The following PTPRM variants were observed in gnomAD, a reference collection of about 807,000 sequenced individuals.
PTPRM encodes protein tyrosine phosphatase receptor type M.
Under a neutral mutation model 186.7 loss-of-function variants are expected in PTPRM, and 47 were observed. The ratio of observed to expected loss-of-function variants is 0.25; its 90% CI spans 0.20 to 0.32. The LOEUF (loss-of-function observed/expected upper bound fraction) is 0.32, where lower values mean the gene tolerates loss of function less well. PTPRM is among the 10% of genes least tolerant of loss of function. The probability of loss-of-function intolerance (pLI) is 1.00; values close to 1 mark genes in which losing one functional copy is unlikely to be tolerated. For synonymous variants in PTPRM, 668 were observed against 674.9 expected (o/e 0.99, Z 0.16); for missense variants, 1,494 against 1,865.0 (o/e 0.80, Z 3.66).
chr18:7,646,634 C>G (rs968582128), intron 1 of PTPRM, among the ~76,000 whole-genome samples: 1 of 152,130 alleles, frequency 6.6e-6, no homozygotes, highest in Non-Finnish European at 1.5e-5. Flanking sequence ...ACCCATTTCT[C>G]TGCTCCAGAG....
chr18:8,347,315 C>T (rs1229069749), intron 23 of PTPRM, among the ~76,000 whole-genome samples: 1 of 152,094 alleles, frequency 6.6e-6, no homozygotes, highest in Non-Finnish European at 1.5e-5. Context: ...ATTGGAATTC[C>T]AAAGGACACC....
At chr18:8,028,504 A>G (rs2085723499) in intron 7 of PTPRM, among the ~76,000 whole-genome samples, 1 of 152,240 alleles carries the variant, frequency 6.6e-6, no homozygotes, top group African/African-American at 2.4e-5. Flanking sequence ...TAGCACCTTC[A>G]GCATGTTTTT....
intron 14 of PTPRM, among the ~76,000 whole-genome samples, chr18:8,191,182 C>T (rs139625685): frequency 6.6e-6 from 1 of 152,318 alleles, no homozygotes; most frequent in Non-Finnish European, 1.5e-5. Flanking sequence ...CTTGCCCAGC[C>T]AGCCAAGGAT....
chr18:8,281,143 G>A (rs995287179), intron 19 of PTPRM, among the ~76,000 whole-genome samples: 8 of 152,232 alleles, frequency 5.3e-5, no homozygotes, highest in Admixed American at 6.5e-5. Flanking sequence ...CAACTGGAAC[G>A]CAGCGGGCGT....
chr18:7,737,023 C>T (rs1274961932), intron 1 of PTPRM, among the ~76,000 whole-genome samples: 1 of 152,194 alleles, frequency 6.6e-6, no homozygotes, highest in Non-Finnish European at 1.5e-5. Context: ...AGGCTGGTCT[C>T]GAACTCCTGA....
intron 14 of PTPRM, among the ~76,000 whole-genome samples, chr18:8,193,769 G>C (rs1407691547): frequency 6.6e-6 from 1 of 152,256 alleles, no homozygotes; most frequent in East Asian, 1.9e-4. Flanking sequence ...TAAAGAGAAA[G>C]AGCTGCCCCT....
At chr18:8,105,808 C>A (rs911651023) in intron 11 of PTPRM, among the ~76,000 whole-genome samples, 1 of 152,148 alleles carries the variant, frequency 6.6e-6, no homozygotes, top group Non-Finnish European at 1.5e-5. Context: ...CCCAGAAAAA[C>A]CAACAAAATA....
chr18:7,991,699 C>T (rs572857766), intron 7 of PTPRM, among the ~76,000 whole-genome samples: 8 of 152,192 alleles, frequency 5.3e-5, no homozygotes, highest in African/African-American at 1.9e-4. Flanking sequence ...TCTTAGCTGC[C>T]TGACCCAGGA....
intron 7 of PTPRM, among the ~76,000 whole-genome samples, chr18:8,020,649 T>TA (rs2085157509): frequency 6.6e-6 from 1 of 152,152 alleles, no homozygotes; most frequent in Non-Finnish European, 1.5e-5. Flanking sequence ...GGTCTCTCAG[T>TA]ACTGGCTTGG....
At chr18:7,763,077 G>A (rs1598571175) in intron 1 of PTPRM, among the ~76,000 whole-genome samples, 1 of 152,118 alleles carries the variant, frequency 6.6e-6, no homozygotes, top group African/African-American at 2.4e-5. Flanking sequence ...GAACCTTTTG[G>A]GTGGGAGACC....
At position 7,803,101 on chromosome 18, in the gene PTPRM, T is replaced by C. The variant is rs76878019; in HGVS notation, c.196+28830T>C. ...GGTGGGAGGATGGGGAAAGGAAGAA[T>C]GTTCTAGATAAATATATTGGCAGGT... On this transcript the variant is annotated intron_variant, in intron 2 of 32. Transcript: ENST00000580170. 3.7e-4 allele frequency among the ~76,000 whole-genome samples: 57 copies of C among 152,266 alleles called. No individual in the cohort carries two copies. In the East Asian group the frequency reaches 6.9e-3, roughly 19 times the overall value.
chr18:7,647,924 A>G (rs1403769799), intron 1 of PTPRM, among the ~76,000 whole-genome samples: 1 of 152,230 alleles, frequency 6.6e-6, no homozygotes, highest in Non-Finnish European at 1.5e-5. Flanking sequence ...AACTGTTGGT[A>G]TACAGGCTTA....
At chr18:8,289,575 T>TACATATATATATACACATATATATATAC (rs1242351252) in intron 19 of PTPRM, among the ~76,000 whole-genome samples, 3 of 109,210 alleles carry the variant, frequency 2.7e-5, no homozygotes, top group Non-Finnish European at 5.2e-5. Context: ...TATATATATA[T>TACATATATATATACACATATATATATAC]ACATATATAT....
At chr18:7,655,704 CT>C (rs1367192734) in intron 1 of PTPRM, among the ~76,000 whole-genome samples, 1 of 152,088 alleles carries the variant, frequency 6.6e-6, no homozygotes, top group Non-Finnish European at 1.5e-5. Context: ...TTACTCAATG[CT>C]AAGAAGAAAT....
chr18:8,397,678 C>T (rs977409655), intron 32 of PTPRM, among the ~76,000 whole-genome samples: 1 of 152,178 alleles, frequency 6.6e-6, no homozygotes, highest in African/African-American at 2.4e-5. Context: ...CCCCACGACT[C>T]GCCTAGTTAT....
At chr18:7,598,538 C>T (rs2037321154) in intron 1 of PTPRM, among the ~76,000 whole-genome samples, 1 of 152,158 alleles carries the variant, frequency 6.6e-6, no homozygotes, top group Non-Finnish European at 1.5e-5. Context: ...ATTTCTAGAA[C>T]CAAGTAACAT....
chr18:7,999,303 A>G (rs1342097348), intron 7 of PTPRM, among the ~76,000 whole-genome samples: 2 of 152,188 alleles, frequency 1.3e-5, no homozygotes, highest in Non-Finnish European at 2.9e-5. Flanking sequence ...GGCACTGGCT[A>G]GAAATTGACA....
intron 13 of PTPRM, among the ~76,000 whole-genome samples, chr18:8,133,459 C>A (rs2092563052): frequency 6.6e-6 from 1 of 152,160 alleles, no homozygotes. Flanking sequence ...ACCAAAATAA[C>A]TGAACTTGAG....
At chr18:8,063,871 G>A (rs945086810) in intron 7 of PTPRM, among the ~76,000 whole-genome samples, 2 of 152,134 alleles carry the variant, frequency 1.3e-5, no homozygotes, top group African/African-American at 4.8e-5. Flanking sequence ...AAATGTACTA[G>A]CCAAACCAAG....
Sources: gnomAD v4.1 joint callset for allele counts (sites outside exome capture counted in the v4.1 genomes callset) on GRCh38, gnomAD v4.1.1 for gene constraint, MANE v1.5 for transcripts, NCBI Gene and HGNC (gene_info 2026-07-23, HGNC 2026-07-21) for gene names.